Variants in MYH16 observed in about 807,000 individuals in gnomAD.
MYH16 encodes the protein myosin heavy chain 16, also known as putative uncharacterized protein MYH16.
intron 20 of MYH16, among the ~76,000 whole-genome samples, chr7:99,274,669 CT>C (rs745470963): frequency 0.13 from 15,276 of 117,282 alleles, 447 homozygotes; most frequent in African/African-American, 0.27. Flanking sequence ...CATTAATTCA[CT>C]TTTTTTTTTT....
At chr7:99,283,544 C>T (rs1001997830) in intron 23 of MYH16, 21 bp from the exon 6 acceptor site, 6 of 455,408 alleles carry the variant, frequency 1.3e-5, no homozygotes, top group African/African-American at 4.0e-5. Flanking sequence ...GTGGCACTCA[C>T]GTGTGTATCT....
chr7:99,245,996 G>A (rs1791724151), intron 2 of MYH16, among the ~76,000 whole-genome samples: 1 of 151,900 alleles, frequency 6.6e-6, no homozygotes, highest in Non-Finnish European at 1.5e-5. Flanking sequence ...GAGGACAGGA[G>A]TTCATGACAA....
intron 3 of MYH16, chr7:99,248,890 G>A (rs1379687247): frequency 6.5e-6 from 1 of 152,676 alleles, no homozygotes; most frequent in South Asian, 2.1e-4. Flanking sequence ...TCTAAGCCGG[G>A]TGGAATTTGG....
At chr7:99,282,355 A>G (rs566520496) in intron 23 of MYH16, among the ~76,000 whole-genome samples, 1 of 152,330 alleles carries the variant, frequency 6.6e-6, no homozygotes, top group African/African-American at 2.4e-5. Flanking sequence ...TAAAGTTGCC[A>G]TAAACACTGA....
chr7:99,246,229 G>GAAA, intron 2 of MYH16, among the ~76,000 whole-genome samples: 1 of 137,188 alleles, frequency 7.3e-6, no homozygotes, highest in African/African-American at 2.7e-5. Flanking sequence ...AGAAAGAAAA[G>GAAA]AAAAAAAAAA....
At chr7:99,285,045 C>T in intron 26 of MYH16, 110 bp downstream of exon 8, 1 of 435,046 alleles carries the variant, frequency 2.3e-6, no homozygotes, top group Non-Finnish European at 4.6e-6. Context: ...GCAAGACTGC[C>T]ATAGAGTCCT....
At chr7:99,303,989 C>G (rs964667368) in intron 39 of MYH16, among the ~76,000 whole-genome samples, 3 of 152,142 alleles carry the variant, frequency 2.0e-5, no homozygotes, top group African/African-American at 7.2e-5. Flanking sequence ...GGTGTTCACA[C>G]CAGCCTCGAG....
chr7:99,255,225 C>T (rs1439519121), intron 8 of MYH16, among the ~76,000 whole-genome samples: 4 of 151,996 alleles, frequency 2.6e-5, no homozygotes, highest in South Asian at 2.1e-4. Context: ...GCCGAGATTG[C>T]GCCACCACAC....
chr7:99,255,260 C>T (rs1456318573), intron 8 of MYH16, among the ~76,000 whole-genome samples: 2 of 152,020 alleles, frequency 1.3e-5, no homozygotes, highest in African/African-American at 2.4e-5. Flanking sequence ...CAGAGCAAGA[C>T]TCCGTCTCAA....
At chr7:99,250,637 G>T (rs1380825913) in intron 5 of MYH16, among the ~76,000 whole-genome samples, 1 of 152,164 alleles carries the variant, frequency 6.6e-6, no homozygotes, top group Non-Finnish European at 1.5e-5. Flanking sequence ...AGCTACTCAG[G>T]GGGCTGAAGT....
At chr7:99,283,224 G>A (rs567654740) in intron 23 of MYH16, among the ~76,000 whole-genome samples, 5 of 152,200 alleles carry the variant, frequency 3.3e-5, no homozygotes, top group African/African-American at 1.2e-4. Context: ...AGTCTCCTGA[G>A]TGGCTGGCAC....
intron 10 of MYH16, chr7:99,258,119 C>T (rs1161465904): frequency 6.6e-6 from 1 of 152,664 alleles, no homozygotes; most frequent in African/African-American, 2.4e-5. Context: ...TGTCTCTACT[C>T]AGTGGCTGAC....
At chr7:99,279,219 C>T (rs75206494) in intron 21 of MYH16, among the ~76,000 whole-genome samples, 2,795 of 151,646 alleles carry the variant, frequency 0.018, 71 homozygotes, top group African/African-American at 0.064. Context: ...CTTAGCTGGG[C>T]ATTGCAGTGT....
chr7:99,283,055 A>G (rs968006870), intron 23 of MYH16, among the ~76,000 whole-genome samples: 2 of 152,102 alleles, frequency 1.3e-5, no homozygotes, highest in Admixed American at 6.6e-5. Context: ...TCTCAGAGGA[A>G]CCTCCAATCA....
chr7:99,308,598 C>T (rs901997748), downstream of MYH16, among the ~76,000 whole-genome samples: 1 of 152,150 alleles, frequency 6.6e-6, no homozygotes. Context: ...GTGTCACCTA[C>T]GACATTCTTA....
chr7:99,252,529 C>T (rs1791822873), intron 6 of MYH16: 1 of 152,232 alleles, frequency 6.6e-6, no homozygotes, highest in African/African-American at 2.4e-5. Flanking sequence ...GGGAGGTCCT[C>T]CAAATTCCCA....
At chr7:99,282,951 G>A (rs1792221953) in intron 23 of MYH16, among the ~76,000 whole-genome samples, 2 of 152,196 alleles carry the variant, frequency 1.3e-5, no homozygotes, top group African/African-American at 4.8e-5. Context: ...GTGCCCGGGT[G>A]GGACATCAGG....
At chr7:99,257,114 G>T (rs1791880921) in intron 9 of MYH16, among the ~76,000 whole-genome samples, 2 of 152,284 alleles carry the variant, frequency 1.3e-5, no homozygotes, top group African/African-American at 4.8e-5. Context: ...TAAATGAAAT[G>T]ACTATATTGC....
chr7:99,279,391 G>C (rs558583769), intron 21 of MYH16, 119 bp from the exon 4 acceptor site: 1 of 324,614 alleles, frequency 3.1e-6, no homozygotes, highest in East Asian at 8.7e-5. Flanking sequence ...AGGAGCTCGA[G>C]ATAGCCCAGC....
Sources: allele counts gnomAD v4.1 joint callset (sites outside exome capture counted in the v4.1 genomes callset), GRCh38; gene constraint gnomAD v4.1.1; transcripts MANE v1.5; gene names NCBI Gene and HGNC (gene_info 2026-07-23, HGNC 2026-07-21).